The following BACH2 variants were observed in gnomAD, a reference collection of about 807,000 sequenced individuals.
The protein encoded by BACH2 is BACH transcriptional regulator 2.
In BACH2, 5 loss-of-function variants were observed where a neutral mutation model predicts 61.8. The ratio of observed to expected loss-of-function variants is 0.08; its 90% confidence interval spans 0.04 to 0.17. The LOEUF (loss-of-function observed/expected upper bound fraction) is 0.17. BACH2 is among the 10% of genes least tolerant of loss of function. The pLI, the probability that BACH2 is intolerant of heterozygous loss-of-function variation, is 1.00. For missense variants in BACH2, 824 were observed against 1,091.1 expected (o/e 0.76, Z 3.45); for synonymous variants, 446 against 440.1 (o/e 1.01, Z -0.17).
intron 7 of BACH2, chr6:89,949,974 G>A: frequency 2.2e-6 from 1 of 454,154 alleles, no homozygotes; most frequent in Non-Finnish European, 4.1e-6. Context: ...AGGGGGGTCT[G>A]GAGTGCCTCA....
At chr6:90,171,132 T>G (rs1355792946) in intron 4 of BACH2, among the ~76,000 whole-genome samples, 1 of 151,938 alleles carries the variant, frequency 6.6e-6, no homozygotes, top group East Asian at 1.9e-4. Flanking sequence ...AAGCCCAGGC[T>G]GGGTGCAGTG....
At chr6:90,056,068 C>A (rs528646070) in intron 5 of BACH2, among the ~76,000 whole-genome samples, 3 of 152,014 alleles carry the variant, frequency 2.0e-5, no homozygotes, top group African/African-American at 7.3e-5. Flanking sequence ...ATCAACTAAC[C>A]AGCAAAAGAA....
At chr6:90,206,225 G>T (rs140871625) in intron 4 of BACH2, among the ~76,000 whole-genome samples, 142 of 152,250 alleles carry the variant, frequency 9.3e-4, no homozygotes, top group African/African-American at 3.1e-3. Flanking sequence ...CTTGTCTAGG[G>T]TCACTGACAC....
At chr6:90,072,157 C>G (rs1367564355) in intron 5 of BACH2, among the ~76,000 whole-genome samples, 2 of 152,206 alleles carry the variant, frequency 1.3e-5, no homozygotes, top group Non-Finnish European at 2.9e-5. Context: ...TAAGAAGTAT[C>G]TGTTGCATGG....
intron 5 of BACH2, among the ~76,000 whole-genome samples, chr6:90,056,450 A>G (rs1445527424): frequency 1.3e-5 from 2 of 152,208 alleles, no homozygotes; most frequent in East Asian, 1.9e-4. Context: ...CACCCAATAC[A>G]GCAGCACCCA....
chr6:90,004,586 T>C (rs918171875), intron 6 of BACH2, among the ~76,000 whole-genome samples: 1 of 152,308 alleles, frequency 6.6e-6, no homozygotes. Flanking sequence ...GCAAACCCAC[T>C]GTGGGCTGAG....
chr6:90,205,042 G>A (rs1189740659), intron 4 of BACH2, among the ~76,000 whole-genome samples: 1 of 152,038 alleles, frequency 6.6e-6, no homozygotes, highest in Non-Finnish European at 1.5e-5. Flanking sequence ...AGGGAAAGAG[G>A]GTAAGTGCAC....
At chr6:90,278,869 T>C (rs1349240634) in intron 1 of BACH2, among the ~76,000 whole-genome samples, 2 of 152,260 alleles carry the variant, frequency 1.3e-5, no homozygotes, top group Non-Finnish European at 2.9e-5. Flanking sequence ...GAACCACATA[T>C]AATTTTAAAT....
At chr6:90,075,102 G>A (rs1053673873) in intron 5 of BACH2, among the ~76,000 whole-genome samples, 1 of 152,042 alleles carries the variant, frequency 6.6e-6, no homozygotes, top group African/African-American at 2.4e-5. Context: ...GTAATGTTGT[G>A]GCAAACAACA....
At chr6:90,054,375 C>A (rs1320364762) in intron 5 of BACH2, among the ~76,000 whole-genome samples, 1 of 152,226 alleles carries the variant, frequency 6.6e-6, no homozygotes, top group African/African-American at 2.4e-5. Flanking sequence ...ACCGCTAGCA[C>A]AGCAGTCTGA....
chr6:90,224,064 T>C (rs1769830382), intron 3 of BACH2, among the ~76,000 whole-genome samples: 1 of 152,252 alleles, frequency 6.6e-6, no homozygotes, highest in Admixed American at 6.5e-5. Context: ...TGAGCAGATT[T>C]GAATTGTAAG....
chr6:89,984,233 G>A (rs1020767568), intron 6 of BACH2, among the ~76,000 whole-genome samples: 3 of 152,048 alleles, frequency 2.0e-5, no homozygotes, highest in Non-Finnish European at 4.4e-5. Context: ...ATTACAAGAT[G>A]TCCACAAAAG....
chr6:90,108,429 T>A (rs1228218771), intron 4 of BACH2, among the ~76,000 whole-genome samples: 1 of 152,106 alleles, frequency 6.6e-6, no homozygotes, highest in Non-Finnish European at 1.5e-5. Flanking sequence ...CTCTTCCAAT[T>A]GACATAATAA....
chr6:90,048,403 T>C (rs530492471), intron 5 of BACH2, among the ~76,000 whole-genome samples: 1 of 152,328 alleles, frequency 6.6e-6, no homozygotes, highest in East Asian at 1.9e-4. Context: ...GCCTAAGCCT[T>C]CATGCTGCCA....
chr6:90,285,932 G>A (rs989395233), intron 1 of BACH2, among the ~76,000 whole-genome samples: 6 of 152,164 alleles, frequency 3.9e-5, no homozygotes, highest in Non-Finnish European at 7.4e-5. Flanking sequence ...ATTAGCAAAC[G>A]GGAACCTCTC....
chr6:90,287,390 T>C (rs1049007285), intron 1 of BACH2, among the ~76,000 whole-genome samples: 3 of 152,142 alleles, frequency 2.0e-5, no homozygotes, highest in African/African-American at 4.8e-5. Context: ...TTTTTTTTTC[T>C]TCTAAAATTC....
At chr6:90,061,992 G>A (rs183429364) in intron 5 of BACH2, among the ~76,000 whole-genome samples, 4 of 152,328 alleles carry the variant, frequency 2.6e-5, no homozygotes, top group Admixed American at 2.0e-4. Context: ...GAAGCTAAAG[G>A]AGAATGTGAC....
chr6:90,214,817 A>C (rs1266665131), intron 3 of BACH2, among the ~76,000 whole-genome samples: 2 of 122,566 alleles, frequency 1.6e-5, no homozygotes, highest in Non-Finnish European at 3.1e-5. Flanking sequence ...GCTGGAGTGG[A>C]GTGGTGCCAT....
chr6:90,134,131 G>T (rs1784194985), intron 4 of BACH2, among the ~76,000 whole-genome samples: 2 of 152,086 alleles, frequency 1.3e-5, no homozygotes. Flanking sequence ...TTCCACAATG[G>T]TTGAACTAGT....
Sources: allele counts gnomAD v4.1 joint callset (sites outside exome capture counted in the v4.1 genomes callset), GRCh38; gene constraint gnomAD v4.1.1; transcripts MANE v1.5; gene names NCBI Gene and HGNC (gene_info 2026-07-23, HGNC 2026-07-21).